Variants in PLEKHA7 observed in about 807,000 individuals in gnomAD.
PLEKHA7 encodes pleckstrin homology domain containing A7.
PLEKHA7 carries 104 observed loss-of-function variants against 170.0 expected under a neutral mutation model. The observed-to-expected ratio is 0.61, with a 90% CI of 0.52 to 0.72. PLEKHA7 has a LOEUF of 0.72. Among genes scored for constraint, PLEKHA7 ranks in the 30% least tolerant of loss-of-function variants. The pLI is 0.00. For missense variants in PLEKHA7, 1,615 were observed against 1,671.7 expected (o/e 0.97, Z 0.59); for synonymous variants, 648 against 660.8 (o/e 0.98, Z 0.30).
rs757618492 is a variant in PLEKHA7, at chr11:16,817,064, G to A, written c.1602C>T (p.His534=). 55 of 1,611,660 alleles carry A rather than the reference G, an allele frequency of 3.4e-5. No individual in the cohort carries two copies. The highest frequency in any genetic ancestry group is 4.2e-5 in the Non-Finnish European group (49 of 1,178,606). Residue 534 remains histidine (H), a synonymous_variant, in exon 11 of 27, where the codon CAC becomes CAT. Transcript: ENST00000531066. This position sits in a 1 kb window ranked among gnomAD's most constrained non-coding sequence, Gnocchi z 4.4. ...YEWQQRQQFR[H]GSPTAPICLG... is the part of the protein sequence containing the mutation. ...GGCAGATGGGCGCTGTGGGGCTGCC[G>A]TGCCGGAACTGCTGGCGCTGCTGCC...
At chr11:16,892,615 G>T (rs1856729239) in intron 3 of PLEKHA7, among the ~76,000 whole-genome samples, 1 of 97,952 alleles carries the variant, frequency 1.0e-5, no homozygotes, top group Non-Finnish European at 2.1e-5. Context: ...CCAGCTTCCA[G>T]CTTCTTTTTT....
intron 10 of PLEKHA7, among the ~76,000 whole-genome samples, chr11:16,818,545 C>T (rs1287518193): frequency 1.3e-5 from 2 of 152,216 alleles, no homozygotes; most frequent in African/African-American, 4.8e-5. Flanking sequence ...TCTGTTTGAC[C>T]TCGTCATCAC....
At chr11:16,917,371 A>C (rs1858764518) in intron 3 of PLEKHA7, among the ~76,000 whole-genome samples, 1 of 152,156 alleles carries the variant, frequency 6.6e-6, no homozygotes, top group South Asian at 2.1e-4. Flanking sequence ...AATTATCATA[A>C]ATTTAGGTAC....
chr11:16,804,486 C>G (rs547559734), intron 13 of PLEKHA7, among the ~76,000 whole-genome samples: 1 of 152,184 alleles, frequency 6.6e-6, no homozygotes, highest in African/African-American at 2.4e-5. Flanking sequence ...TCCTATGCTA[C>G]CTCTCCCTGC....
At chr11:16,944,369 G>C (rs953651616) in intron 3 of PLEKHA7, among the ~76,000 whole-genome samples, 3 of 150,302 alleles carry the variant, frequency 2.0e-5, no homozygotes, top group Admixed American at 6.7e-5. Context: ...AAAATAAGCC[G>C]GGCGCGGTGG....
At chr11:16,783,522 G>T (rs1024613880) in intron 25 of PLEKHA7, among the ~76,000 whole-genome samples, 178 bp downstream of exon 25, 8 of 152,244 alleles carry the variant, frequency 5.3e-5, no homozygotes, top group Admixed American at 3.9e-4. Context: ...GACCCAGGCA[G>T]GCTCCCTTGC....
Position 16,826,132 on chromosome 11 carries a change from C to T in PLEKHA7, c.1331G>A (p.Gly444Glu). 1 of 1,614,026 alleles carries T rather than the reference C, an allele frequency of 6.2e-7. No homozygotes were observed. The highest frequency in any genetic ancestry group is 8.5e-7 in the Non-Finnish European group (1 of 1,179,914). The change falls in exon 10 of 27, where the codon GGG becomes GAG. Residue 444 changes from glycine (G) to glutamate (E), a missense_variant. Transcript: ENST00000531066. The part of the protein sequence containing the change: ...QVEHWARAQK[G>E]DSRSLPLDQT... ...GTCTATTACTCACCTCCTGCTATCCCCTTTCTGGGCCCTTGCCCAGTGCTC... is the reference window on the plus strand; with the variant it reads ...GTCTATTACTCACCTCCTGCTATCCTCTTTCTGGGCCCTTGCCCAGTGCTC...
chr11:16,928,430 G>T (rs1230939874), intron 3 of PLEKHA7, among the ~76,000 whole-genome samples: 2 of 151,454 alleles, frequency 1.3e-5, no homozygotes, highest in African/African-American at 4.9e-5. Context: ...AGGTAGATTG[G>T]TTTTGCCCCC....
At chr11:17,008,953 C>T (rs10766371) in intron 3 of PLEKHA7, among the ~76,000 whole-genome samples, 96,518 of 152,018 alleles carry the variant, frequency 0.63, 31,292 homozygotes, top group East Asian at 0.96. Flanking sequence ...TCAATGTCTT[C>T]AATTTCTTAC....
chr11:16,841,490 T>C, intron 9 of PLEKHA7, 57 bp downstream of exon 9: 2 of 1,565,138 alleles, frequency 1.3e-6, no homozygotes, highest in Non-Finnish European at 8.7e-7. Flanking sequence ...AGGACCTATC[T>C]GGGTCCCAAT....
At chr11:16,855,722 G>A in intron 5 of PLEKHA7, 81 bp downstream of exon 5, 2 of 1,055,240 alleles carry the variant, frequency 1.9e-6, no homozygotes, top group East Asian at 2.4e-5. Flanking sequence ...CTATAGTGAA[G>A]ATCAAATGGA....
At chr11:16,815,625 C>T (rs1237282368) in intron 12 of PLEKHA7, among the ~76,000 whole-genome samples, 9 of 152,144 alleles carry the variant, frequency 5.9e-5, no homozygotes, top group Admixed American at 3.9e-4. Context: ...CCTGAGTTCT[C>T]GTATCTCAGC....
chr11:17,006,402 G>A (rs866975971), intron 3 of PLEKHA7, among the ~76,000 whole-genome samples: 9 of 151,466 alleles, frequency 5.9e-5, no homozygotes, highest in East Asian at 1.9e-4. Context: ...CAAGGCAGGC[G>A]GATTGCCTGA....
In PLEKHA7 at chr11:16,906,302, T is replaced by TCCTCCTCTCCCTCTCCCTCTC. The variant is rs1554968201; in HGVS notation, c.222-35121_222-35120insGAGAGGGAGAGGGAGAGGAGG. 2.1e-4 allele frequency among the ~76,000 whole-genome samples: 19 copies of TCCTCCTCTCCCTCTCCCTCTC among 89,330 alleles called. No individual in the cohort carries two copies. In the East Asian group the frequency reaches 3.5e-3, roughly 16 times the overall value. The allele number at this position is 89,330 out of a possible 152,430, so 58.6% of individuals were successfully genotyped here. On this transcript the variant is annotated intron_variant, in intron 3 of 26. Coordinates refer to ENST00000531066, the MANE Select transcript of PLEKHA7 (RefSeq NM_001329630.2). ...AGGAAAGAAAGAAAATTGGAAAGGC[T>TCCTCCTCTCCCTCTCCCTCTC]CCTCCTCTCCCTCTCCCTCCTCTCA...
Position 16,907,443 on chromosome 11 carries a change from T to C in PLEKHA7, c.222-36261A>G, listed in dbSNP as rs549978444. Among the ~76,000 whole-genome samples the C allele has an allele frequency of 2.8e-3, 328 of 117,644 alleles. 6 individuals carry two copies. Among genetic ancestry groups the C allele is most frequent in the Middle Eastern group, 5.7e-3 (1 of 174 alleles). The allele number at this position is 117,644 out of a possible 152,430, so 77.2% of individuals were successfully genotyped here. ...CCGTCCGGGAGGTGAGGGGCGCCTC[T>C]GCCTGGCCGCCCCTACTGGGAAGTA... On this transcript the variant is annotated intron_variant, in intron 3 of 26. Transcript: ENST00000531066.
chr11:16,885,195 T>C (rs893409498), intron 3 of PLEKHA7, among the ~76,000 whole-genome samples: 3 of 152,076 alleles, frequency 2.0e-5, no homozygotes, highest in Non-Finnish European at 2.9e-5. Context: ...CCAGGTGTGG[T>C]GGCACATGCC....
intron 9 of PLEKHA7, among the ~76,000 whole-genome samples, chr11:16,828,162 C>A (rs2134997741): frequency 6.6e-6 from 1 of 152,278 alleles, no homozygotes; most frequent in African/African-American, 2.4e-5. Context: ...TGTCCCCACC[C>A]AAATCTCATC....
chr11:16,906,279 GA>G (rs2136095553), intron 3 of PLEKHA7, among the ~76,000 whole-genome samples: 1 of 109,432 alleles, frequency 9.1e-6, no homozygotes, highest in African/African-American at 3.7e-5. Flanking sequence ...AGGAAGGAAG[GA>G]AAGAAAGAAA....
chr11:16,977,316 A>G (rs1170695291), intron 3 of PLEKHA7, among the ~76,000 whole-genome samples: 1 of 151,802 alleles, frequency 6.6e-6, no homozygotes, highest in South Asian at 2.1e-4. Flanking sequence ...ACAGGCTCCC[A>G]CTTCTCAACT....
Sources: gnomAD v4.1 joint callset for allele counts (sites outside exome capture counted in the v4.1 genomes callset) on GRCh38, gnomAD v4.1.1 for gene constraint, Gnocchi (gnomAD v3.1) non-coding constraint, MANE v1.5 for transcripts, NCBI Gene and HGNC (gene_info 2026-07-23, HGNC 2026-07-21) for gene names.